The following SP110 variants were observed in gnomAD, a reference collection of about 807,000 sequenced individuals.
SP110 encodes interferon-induced protein 41, 30kD.
SP110 carries 62 observed loss-of-function variants against 92.7 expected under a neutral mutation model. The observed-to-expected ratio is 0.67, with a 90% CI of 0.55 to 0.83. The LOEUF is 0.83. Among genes scored for constraint, SP110 ranks in the 40% least tolerant of loss-of-function variants. The pLI is 0.00. For missense variants in SP110, 793 were observed against 863.9 expected (o/e 0.92, Z 1.03); for synonymous variants, 273 against 305.3 (o/e 0.89, Z 1.10).
chr2:230,178,821 C>T (rs769235783), intron 12 of SP110, among the ~76,000 whole-genome samples: 4 of 152,206 alleles, frequency 2.6e-5, no homozygotes, highest in Non-Finnish European at 5.9e-5. Flanking sequence ...GCTCATGGAG[C>T]AGTCTGGCAA....
At chr2:230,221,563 A>G (rs1401753806), upstream of SP110, 2 of 845,476 alleles carry the variant, frequency 2.4e-6, no homozygotes, top group Non-Finnish European at 3.8e-6. Context: ...TGGAAGCCAC[A>G]GCCAGGAAAA....
chr2:230,188,064 T>G (rs893584667), intron 10 of SP110, among the ~76,000 whole-genome samples: 75 of 152,336 alleles, frequency 4.9e-4, no homozygotes, highest in African/African-American at 1.7e-3. Context: ...GCATTCAATC[T>G]GTAGATTGCC....
chr2:230,183,448 A>G, intron 12 of SP110, 124 bp downstream of exon 12: 1 of 779,606 alleles, frequency 1.3e-6, no homozygotes, highest in Non-Finnish European at 2.3e-6. Flanking sequence ...GCTGGTACCC[A>G]TGACGGTGGA....
chr2:230,177,345 T>C (rs2148713275), intron 14 of SP110, 193 bp downstream of exon 14: 1 of 681,468 alleles, frequency 1.5e-6, no homozygotes, highest in East Asian at 2.6e-5. Context: ...TACTTGCATT[T>C]AAAGTTCTCC....
At position 230,202,455 on chromosome 2, in the gene SP110, C is replaced by T. The variant is rs1236251504; in HGVS notation, c.1048+124G>A. 2.6e-5 allele frequency: 23 copies of T among 868,882 alleles called. No homozygotes were observed. In the Middle Eastern group the frequency reaches 1.6e-3, roughly 59 times the overall value. The allele number at this position is 868,882 out of a possible 1,614,324, so 53.8% of individuals were successfully genotyped here. A position where few individuals can be genotyped will look rare whatever the true frequency, so the allele number is the denominator to read the frequency against. On this transcript the variant is annotated intron_variant, in intron 9 of 18. Coordinates refer to ENST00000258381, the MANE Select transcript of SP110 (RefSeq NM_080424.4). ...CTTTGTTCCTCTTGTTATACCCCAT[C>T]CTCATTCTCTGTACTTTTTCCTTTT...
intron 11 of SP110, among the ~76,000 whole-genome samples, chr2:230,184,105 C>T (rs1021157331): frequency 3.3e-5 from 5 of 152,166 alleles, no homozygotes; most frequent in Non-Finnish European, 7.3e-5. Flanking sequence ...TTCGCATCCC[C>T]GAGTGGGATA....
At position 230,180,493 on chromosome 2, in the gene SP110, A is replaced by G. The variant is rs541130049; in HGVS notation, c.1349-2238T>C. On this transcript the variant is annotated intron_variant, in intron 12 of 18. Transcript: ENST00000258381. ...GTCAAGGAAACAGTAAGAGCAGCAGATGCACTGTGTCATCTATCCGCATAA... is the reference window on the plus strand; with the variant it reads ...GTCAAGGAAACAGTAAGAGCAGCAGGTGCACTGTGTCATCTATCCGCATAA... Among the ~76,000 whole-genome samples the G allele has an allele frequency of 2.6e-5, 4 of 152,262 alleles. No individual in the cohort carries two copies. In the East Asian group the frequency reaches 7.7e-4, roughly 29 times the overall value.
chr2:230,172,914 G>A lies in SP110; in HGVS notation c.1636C>T (p.Leu546Phe), dbSNP rs1274661198. Reference protein sequence around the residue: ...ECEVCCQGGQLLCCGTCPRVF... With the variant: ...ECEVCCQGGQFLCCGTCPRVF... ...CGTGGACAAGTACCGCAGCAGAGAA[G>A]TTGTCCCCCTTGACAGCACACCTCG... Residue 546 changes from leucine (L) to phenylalanine (F), a missense_variant, in exon 15 of 19, where the codon CTT (leucine) becomes TTT (phenylalanine). By Grantham distance (22) the Leu-to-Phe change is conservative (BLOSUM62 0). Transcript: ENST00000258381. 2 of 1,614,070 alleles carry A rather than the reference G, an allele frequency of 1.2e-6. No individual in the cohort carries two copies. Among genetic ancestry groups the A allele is most frequent in the Non-Finnish European group, 1.7e-6 (2 of 1,180,012 alleles).
At position 230,196,710 on chromosome 2, in the gene SP110, A is replaced by C. The variant is rs1467825843; in HGVS notation, c.1129+4175T>G. 8.9e-5 allele frequency among the ~76,000 whole-genome samples: 13 copies of C among 146,662 alleles called. No homozygotes were observed. The Admixed American group carries it at 9.0e-4, about 10-fold the overall frequency. On this transcript the variant is annotated intron_variant, in intron 10 of 18. Coordinates refer to ENST00000258381, the MANE Select transcript of SP110 (RefSeq NM_080424.4). Reference sequence around the variant, plus strand: ...CTCCCTCCTCCCCGCACCCCACAACAGTCCCCAGAGTGTGATGTTCCCCTT... The same window carrying C: ...CTCCCTCCTCCCCGCACCCCACAACCGTCCCCAGAGTGTGATGTTCCCCTT...
At chr2:230,176,866 G>C (rs558426803) in intron 14 of SP110, 17 of 826,070 alleles carry the variant, frequency 2.1e-5, no homozygotes, top group African/African-American at 1.5e-4. Context: ...AGAAAAATTA[G>C]CTCCCTCCCC....
intron 10 of SP110, among the ~76,000 whole-genome samples, chr2:230,190,660 A>C (rs956151129): frequency 3.8e-5 from 4 of 105,044 alleles, no homozygotes; most frequent in Non-Finnish European, 6.0e-5. Flanking sequence ...ATATTGCTTC[A>C]GTTTTCTTCT....
chr2:230,195,389 C>A (rs1361705456), intron 10 of SP110, among the ~76,000 whole-genome samples: 3 of 152,114 alleles, frequency 2.0e-5, no homozygotes, highest in African/African-American at 4.8e-5. Flanking sequence ...GGCTGGAGTG[C>A]AGTGGCATAA....
At chr2:230,181,935 A>G (rs1419167693) in intron 12 of SP110, among the ~76,000 whole-genome samples, 2 of 152,264 alleles carry the variant, frequency 1.3e-5, no homozygotes, top group African/African-American at 4.8e-5. Context: ...CATTTGACTC[A>G]GCAAGCAATC....
intron 9 of SP110, among the ~76,000 whole-genome samples, chr2:230,201,424 T>C (rs957236203): frequency 6.6e-6 from 1 of 152,232 alleles, no homozygotes; most frequent in African/African-American, 2.4e-5. Flanking sequence ...ATCAAAGCAG[T>C]GTCCCCAAAT....
chr2:230,220,640 C>A (rs2045731796), upstream of SP110, among the ~76,000 whole-genome samples: 1 of 152,122 alleles, frequency 6.6e-6, no homozygotes, highest in Admixed American at 6.5e-5. Context: ...CAAGGGCTGG[C>A]AGGGACACCC....
At chr2:230,213,079 T>C in intron 3 of SP110, 52 bp from the exon 4 acceptor site, 6 of 1,587,562 alleles carry the variant, frequency 3.8e-6, no homozygotes, top group Non-Finnish European at 5.2e-6. Context: ...CAGAATTACT[T>C]GGGGAAGGGG....
chr2:230,212,312 T>C lies in SP110; in HGVS notation c.667+35A>G, dbSNP rs117260076. Reference sequence around the variant, plus strand: ...CGCATGTTCTCCCTTCACAGTCACCTTGAGCTAAGCGGTATCAGCCCCAGT... The same window carrying C: ...CGCATGTTCTCCCTTCACAGTCACCCTGAGCTAAGCGGTATCAGCCCCAGT... On this transcript the variant is annotated intron_variant, in intron 5 of 18. Coordinates refer to ENST00000258381, the MANE Select transcript of SP110 (RefSeq NM_080424.4). 1,787 of 1,506,018 alleles carry C rather than the reference T, an allele frequency of 1.2e-3. 31 individuals carry two copies. In the East Asian group the frequency reaches 0.034, roughly 29 times the overall value. 93.3% of individuals were successfully genotyped at this position (1,506,018 alleles called of 1,614,324 possible).
intron 3 of SP110, among the ~76,000 whole-genome samples, chr2:230,214,478 T>C (rs1313645081): frequency 1.3e-5 from 2 of 152,236 alleles, no homozygotes; most frequent in African/African-American, 2.4e-5. Context: ...GTCAGTCAAA[T>C]GGGGTTAAAA....
In SP110 at chr2:230,202,714, T is replaced by C; in HGVS notation, c.913A>G (p.Arg305Gly). ...TTGAGCTTCTTTTGGATTCCGTGTCTAGATGAGGCTGTCCCTGGACCAAAT... is the reference window on the plus strand; with the variant it reads ...TTGAGCTTCTTTTGGATTCCGTGTCCAGATGAGGCTGTCCCTGGACCAAAT... The part of the protein sequence containing the change: ...KSLPGGTASS[R>G]HGIQKKLKRV... Residue 305 changes from arginine to glycine, a missense_variant, in exon 9 of 19, where the codon AGA (arginine) becomes GGA (glycine). Arg to Gly is a moderately radical substitution (Grantham distance 125). Transcript: ENST00000258381. 3 of 1,614,160 alleles carry C rather than the reference T, an allele frequency of 1.9e-6. No individual in the cohort carries two copies. Among genetic ancestry groups the C allele is most frequent in the Non-Finnish European group, 2.5e-6 (3 of 1,179,988 alleles).
Sources: gnomAD v4.1 joint callset for allele counts (sites outside exome capture counted in the v4.1 genomes callset) on GRCh38, gnomAD v4.1.1 for gene constraint, MANE v1.5 for transcripts, NCBI Gene and HGNC (gene_info 2026-07-23, HGNC 2026-07-21) for gene names.